The following DCC variants were observed in gnomAD, a reference collection of about 807,000 sequenced individuals.
DCC encodes the protein netrin receptor DCC.
A neutral mutation model predicts 172.5 loss-of-function variants in DCC; 58 were observed. The ratio of observed to expected loss-of-function variants is 0.34; its 90% CI spans 0.27 to 0.42. The LOEUF is 0.42. Ranked by LOEUF, DCC falls within the 10% of genes least tolerant of loss-of-function variation. The pLI is 1.00. For synonymous variants in DCC, 709 were observed against 644.5 expected (o/e 1.10, Z -1.52); for missense variants, 1,740 against 1,791.0 (o/e 0.97, Z 0.51).
At position 53,467,959 on chromosome 18, in the gene DCC, G is replaced by T; in HGVS notation, c.3685G>T (p.Ala1229Ser). ...GGAGAGGTCGCTGGCTGCACGCCGA[G>T]CCCCCCGGGCCAAGCTCATGATTCC... The part of the protein sequence containing the change: ...TLERSLAARR[A>S]PRAKLMIPMD... Residue 1229 changes from alanine (A) to serine (S), a missense_variant, in exon 25 of 29, where the codon GCC becomes TCC. Ala to Ser is a moderately conservative substitution (Grantham distance 99). This residue lies in a region of DCC where 1,732 missense variants were observed against 1,767.4 expected (regional missense o/e 0.98). Coordinates refer to ENST00000442544, the MANE Select transcript of DCC (RefSeq NM_005215.4). The T allele has an allele frequency of 1.9e-6, 3 of 1,612,684 alleles. No homozygotes were observed. The highest frequency in any genetic ancestry group is 2.5e-6 in the Non-Finnish European group (3 of 1,178,922).
chr18:52,896,442 G>T (rs2039730852), intron 2 of DCC, among the ~76,000 whole-genome samples: 1 of 152,122 alleles, frequency 6.6e-6, no homozygotes, highest in Non-Finnish European at 1.5e-5. Context: ...AAAGATAGTT[G>T]CCACTATTCA....
At chr18:52,407,600 C>T (rs1390376495) in intron 1 of DCC, among the ~76,000 whole-genome samples, 1 of 151,726 alleles carries the variant, frequency 6.6e-6, no homozygotes, top group African/African-American at 2.4e-5. Context: ...AAAAAAAAGC[C>T]AACTCTTTGG....
chr18:53,044,634 A>T (rs545938246), intron 5 of DCC, among the ~76,000 whole-genome samples: 1 of 151,892 alleles, frequency 6.6e-6, no homozygotes, highest in East Asian at 1.9e-4. Context: ...TTCTCAAAGT[A>T]CTTACAGCCT....
intron 1 of DCC, among the ~76,000 whole-genome samples, chr18:52,703,365 T>C (rs745518885): frequency 1.3e-5 from 2 of 152,194 alleles, no homozygotes; most frequent in Non-Finnish European, 2.9e-5. Context: ...CTGAGTCTAT[T>C]CTAGCAAATA....
At chr18:52,864,317 G>A (rs1237744947) in intron 2 of DCC, among the ~76,000 whole-genome samples, 1 of 152,102 alleles carries the variant, frequency 6.6e-6, no homozygotes, top group Admixed American at 6.5e-5. Flanking sequence ...GTGTGTTAGA[G>A]GAAGATTAAA....
At chr18:53,289,534 AAG>A (rs1182863915) in intron 12 of DCC, among the ~76,000 whole-genome samples, 1 of 152,142 alleles carries the variant, frequency 6.6e-6, no homozygotes, top group Non-Finnish European at 1.5e-5. Context: ...TCTTCAAGGA[AAG>A]AGTTTGAGTT....
At chr18:52,689,425 C>CTTGTT (rs1293824798) in intron 1 of DCC, among the ~76,000 whole-genome samples, 1 of 151,960 alleles carries the variant, frequency 6.6e-6, no homozygotes, top group African/African-American at 2.4e-5. Flanking sequence ...AGTAGAAAGA[C>CTTGTT]TTGTGTTGGG....
intron 2 of DCC, among the ~76,000 whole-genome samples, chr18:52,829,029 T>A (rs1034874826): frequency 4.6e-5 from 7 of 152,198 alleles, no homozygotes; most frequent in Admixed American, 6.5e-5. Flanking sequence ...TAAAATACAA[T>A]TAGGTCAAAT....
chr18:52,531,673 C>A (rs974989178), intron 1 of DCC, among the ~76,000 whole-genome samples: 1 of 151,804 alleles, frequency 6.6e-6, no homozygotes, highest in African/African-American at 2.4e-5. Flanking sequence ...TTAAACTCTT[C>A]TTGGCTGGTG....
rs1234995777 is a variant in DCC at position 53,175,799 on chromosome 18, C to A, written c.1419-3163C>A. ...TGCCATCCCCATCAAGCTACCAATGCCTTTCTTCACAGAATTGGAAAAAAC... is the reference window on the plus strand; with the variant it reads ...TGCCATCCCCATCAAGCTACCAATGACTTTCTTCACAGAATTGGAAAAAAC... On this transcript the variant is annotated intron_variant, in intron 8 of 28. Transcript: ENST00000442544. Among the ~76,000 whole-genome samples the A allele has an allele frequency of 3.9e-3, 594 of 151,582 alleles. 2 individuals carry two copies. Among genetic ancestry groups the A allele is most frequent in the African/African-American group, 0.013 (524 of 41,412 alleles).
intron 3 of DCC, among the ~76,000 whole-genome samples, chr18:52,912,596 A>G (rs2145462466): frequency 6.6e-6 from 1 of 152,140 alleles, no homozygotes; most frequent in South Asian, 2.1e-4. Flanking sequence ...CTCTCCAGTA[A>G]CATTATTTTC....
intron 2 of DCC, among the ~76,000 whole-genome samples, chr18:52,797,632 T>C (rs2145219787): frequency 6.6e-6 from 1 of 152,298 alleles, no homozygotes; most frequent in Middle Eastern, 3.4e-3. Context: ...GTGCACCAGT[T>C]TGGCAGCAGT....
chr18:53,466,293 G>C (rs1274311828), intron 24 of DCC, among the ~76,000 whole-genome samples: 1 of 152,058 alleles, frequency 6.6e-6, no homozygotes, highest in Non-Finnish European at 1.5e-5. Context: ...TTTACCATTA[G>C]GGTGCACTTC....
intron 12 of DCC, among the ~76,000 whole-genome samples, chr18:53,288,074 T>C (rs541727299): frequency 6.6e-6 from 1 of 152,254 alleles, no homozygotes; most frequent in South Asian, 2.1e-4. Flanking sequence ...CACTATTGCC[T>C]GATTTTAAGG....
chr18:52,782,498 C>T (rs943899612), intron 2 of DCC, among the ~76,000 whole-genome samples: 6 of 151,980 alleles, frequency 3.9e-5, no homozygotes, highest in African/African-American at 1.4e-4. Context: ...TGACTCTGCA[C>T]ACTCTAGTGT....
intron 27 of DCC, among the ~76,000 whole-genome samples, chr18:53,526,165 T>C (rs1374872059): frequency 6.6e-6 from 1 of 152,138 alleles, no homozygotes; most frequent in African/African-American, 2.4e-5. Flanking sequence ...TATTCTAACG[T>C]CTTATGCTCA....
intron 2 of DCC, among the ~76,000 whole-genome samples, chr18:52,792,759 T>TTCCATTCC (rs1568106976): frequency 3.6e-5 from 1 of 27,898 alleles, no homozygotes; most frequent in African/African-American, 4.4e-5. Flanking sequence ...CAGTTGATTC[T>TTCCATTCC]ATTCCATTCT....
intron 2 of DCC, among the ~76,000 whole-genome samples, chr18:52,893,458 A>G (rs562313843): frequency 5.8e-4 from 88 of 152,316 alleles, no homozygotes; most frequent in African/African-American, 2.0e-3. Flanking sequence ...TCCTTTGGGT[A>G]ACATGCTCAA....
At chr18:53,218,283 T>G (rs2055883088) in intron 12 of DCC, among the ~76,000 whole-genome samples, 1 of 152,128 alleles carries the variant, frequency 6.6e-6, no homozygotes, top group Admixed American at 6.6e-5. Context: ...TGAAATAACT[T>G]GGTGCAACTA....
Sources: gnomAD v4.1 joint callset for allele counts (sites outside exome capture counted in the v4.1 genomes callset) on GRCh38, gnomAD v4.1.1 for gene constraint, gnomAD v4.1.1 regional missense constraint, MANE v1.5 for transcripts, NCBI Gene and HGNC (gene_info 2026-07-23, HGNC 2026-07-21) for gene names.